CALCR: variants seen among roughly 807,000 people sequenced by gnomAD.
CALCR encodes calcitonin receptor.
Under a neutral mutation model 59.5 loss-of-function variants are expected in CALCR, and 47 were observed. The observed-to-expected ratio is 0.79, with a 90% CI of 0.63 to 1.01. The LOEUF (loss-of-function observed/expected upper bound fraction) is 1.01, where lower values mean the gene tolerates loss of function less well. CALCR is among the 50% of genes least tolerant of loss of function. The pLI, the probability that CALCR is intolerant of heterozygous loss-of-function variation, is 0.00. For missense variants in CALCR, 566 were observed against 597.1 expected, an observed-to-expected ratio of 0.95 and a Z score of 0.54; for synonymous variants, 213 against 211.3, an observed-to-expected ratio of 1.01 and a Z score of -0.07.
At chr7:93,540,977 G>A (rs1379869762) in intron 2 of CALCR, among the ~76,000 whole-genome samples, 1 of 151,860 alleles carries the variant, frequency 6.6e-6, no homozygotes, top group Non-Finnish European at 1.5e-5. Context: ...TAAGAAAAAT[G>A]ACAAATGAGT....
chr7:93,471,126 C>G (rs1800543361), intron 6 of CALCR, among the ~76,000 whole-genome samples: 1 of 151,706 alleles, frequency 6.6e-6, no homozygotes, highest in African/African-American at 2.4e-5. Context: ...TAAATTATTT[C>G]ATTCTTAGAT....
At chr7:93,493,066 G>C (rs1267728669) in intron 2 of CALCR, among the ~76,000 whole-genome samples, 2 of 151,174 alleles carry the variant, frequency 1.3e-5, no homozygotes, top group Non-Finnish European at 3.0e-5. Flanking sequence ...GTATTTCTAT[G>C]TATTTTCATC....
chr7:93,491,495 G>T (rs2115956548), intron 2 of CALCR, among the ~76,000 whole-genome samples: 1 of 152,122 alleles, frequency 6.6e-6, no homozygotes, highest in South Asian at 2.1e-4. Flanking sequence ...GAAAATTTTT[G>T]CAATCTACCT....
At chr7:93,453,246 T>G (rs1013124382) in intron 8 of CALCR, among the ~76,000 whole-genome samples, 13 of 152,060 alleles carry the variant, frequency 8.5e-5, no homozygotes, top group African/African-American at 3.1e-4. Context: ...GATGACGTTT[T>G]GTGGACTTTA....
rs10239127 is a variant in CALCR, at chr7:93,502,984, G to T, written c.-26-15977C>A. On this transcript the variant is annotated intron_variant, in intron 2 of 13. Coordinates refer to ENST00000426151, the MANE Select transcript of CALCR (RefSeq NM_001742.4). ...TCCTTCAATCTTTTCAATAGCCTTC[G>T]CATGTAGATACTATTATTGTTACTG... Among the ~76,000 whole-genome samples, 1,110 of 152,066 alleles carry T rather than the reference G, an allele frequency of 7.3e-3. 13 individuals carry two copies. The highest frequency in any genetic ancestry group is 0.026 in the African/African-American group (1,067 of 41,504).
intron 2 of CALCR, among the ~76,000 whole-genome samples, chr7:93,515,029 T>G (rs1215139231): frequency 6.6e-6 from 1 of 152,076 alleles, no homozygotes; most frequent in Non-Finnish European, 1.5e-5. Context: ...AACATTAACA[T>G]GTTTTTCTTC....
intron 8 of CALCR, among the ~76,000 whole-genome samples, chr7:93,457,109 C>T (rs1306314891): frequency 1.3e-5 from 2 of 152,212 alleles, no homozygotes; most frequent in African/African-American, 4.8e-5. Context: ...AAAGTGGAAA[C>T]ATCTAGCAAT....
At chr7:93,503,182 A>G (rs371413934) in intron 2 of CALCR, among the ~76,000 whole-genome samples, 14 of 152,088 alleles carry the variant, frequency 9.2e-5, no homozygotes, top group African/African-American at 2.7e-4. Flanking sequence ...TCTGCTCCAC[A>G]TGATTTTCTC....
At chr7:93,542,068 T>G (rs976688010) in intron 2 of CALCR, among the ~76,000 whole-genome samples, 1 of 152,176 alleles carries the variant, frequency 6.6e-6, no homozygotes, top group Admixed American at 6.5e-5. Context: ...TTTGATATAT[T>G]TACCTCTCAG....
chr7:93,460,572 A>AAAATATATATAT (rs1554397787), intron 8 of CALCR, among the ~76,000 whole-genome samples: 69 of 66,498 alleles, frequency 1.0e-3, no homozygotes, highest in African/African-American at 6.2e-3. Context: ...AAAAAAAAAA[A>AAAATATATATAT]ATATATATAT....
chr7:93,426,412 C>A lies in CALCR; in HGVS notation c.1369G>T (p.Glu457Ter), dbSNP rs147503225. 18 of 1,613,760 alleles carry A rather than the reference C, an allele frequency of 1.1e-5. No homozygotes were observed. Among genetic ancestry groups the A allele is most frequent in the Non-Finnish European group, 1.5e-5 (18 of 1,179,796 alleles). ...AAAGGGATGATCTCAGCACTCTCCT[C>A]GCCTTGGTTGTTGGCTGGTTCATTC... ...LRNEPANNQG[E>*]ESAEIIPLNI... Residue 457 changes from glutamate (E) to a stop codon, truncating the protein, a stop_gained, in exon 14 of 14, where the codon GAG (glutamate) becomes TAG (stop). Coordinates refer to ENST00000426151, the MANE Select transcript of CALCR (RefSeq NM_001742.4). LOFTEE classifies it high-confidence loss of function.
At chr7:93,570,989 T>C (rs1162282158) in intron 2 of CALCR, among the ~76,000 whole-genome samples, 1 of 152,230 alleles carries the variant, frequency 6.6e-6, no homozygotes, top group Non-Finnish European at 1.5e-5. Context: ...GATTCACTTT[T>C]AATATAAAAT....
At chr7:93,432,104 C>A (rs541560928) in intron 13 of CALCR, among the ~76,000 whole-genome samples, 2 of 152,238 alleles carry the variant, frequency 1.3e-5, no homozygotes, top group South Asian at 4.1e-4. Flanking sequence ...CACTGACTCT[C>A]TATATAATTC....
chr7:93,560,856 A>C (rs188723913), intron 2 of CALCR, among the ~76,000 whole-genome samples: 2 of 152,138 alleles, frequency 1.3e-5, no homozygotes, highest in African/African-American at 4.8e-5. Flanking sequence ...TCAAGCTCCA[A>C]CTTCATCACT....
chr7:93,452,834 A>AACC (rs1554396782), intron 8 of CALCR, among the ~76,000 whole-genome samples: 2 of 148,934 alleles, frequency 1.3e-5, no homozygotes, highest in Non-Finnish European at 2.9e-5. Flanking sequence ...TTAAAAAACA[A>AACC]AACAACAACA....
intron 2 of CALCR, among the ~76,000 whole-genome samples, chr7:93,551,247 C>A (rs773440672): frequency 1.3e-5 from 2 of 152,096 alleles, no homozygotes; most frequent in African/African-American, 4.8e-5. Context: ...GTTAACACTG[C>A]GCCACCTTAT....
intron 8 of CALCR, among the ~76,000 whole-genome samples, chr7:93,457,780 G>A (rs1490225535): frequency 6.6e-6 from 1 of 152,146 alleles, no homozygotes; most frequent in Non-Finnish European, 1.5e-5. Flanking sequence ...TAGTGGGCAT[G>A]TCTGGTTATA....
intron 2 of CALCR, among the ~76,000 whole-genome samples, chr7:93,501,103 A>C (rs1307756310): frequency 6.6e-6 from 1 of 152,034 alleles, no homozygotes; most frequent in East Asian, 1.9e-4. Flanking sequence ...ATGGCCAACC[A>C]AGTTGGATCT....
At chr7:93,496,107 G>T (rs576929782) in intron 2 of CALCR, 80 of 556,326 alleles carry the variant, frequency 1.4e-4, no homozygotes, top group Non-Finnish European at 2.1e-4. Flanking sequence ...AGTACAAAAT[G>T]TCAATGTCTG....
Sources: gnomAD v4.1 joint callset for allele counts (sites outside exome capture counted in the v4.1 genomes callset) on GRCh38, gnomAD v4.1.1 for gene constraint, MANE v1.5 for transcripts, NCBI Gene and HGNC (gene_info 2026-07-23, HGNC 2026-07-21) for gene names.